Variants in ANKS1B observed in about 807,000 individuals in gnomAD.
ANKS1B encodes ankyrin repeat and sterile alpha motif domain-containing protein 1B.
A neutral mutation model predicts 148.3 loss-of-function variants in ANKS1B; 36 were observed. That is an observed-to-expected ratio of 0.24 (90% CI 0.19 to 0.32). The LOEUF (loss-of-function observed/expected upper bound fraction) is 0.32, where lower values mean the gene tolerates loss of function less well. Ranked by LOEUF, ANKS1B falls within the 10% of genes least tolerant of loss-of-function variation. The pLI, the probability that ANKS1B is intolerant of heterozygous loss-of-function variation, is 1.00. For missense variants in ANKS1B, 1,157 were observed against 1,542.6 expected (o/e 0.75, Z 4.19); for synonymous variants, 542 against 560.8 (o/e 0.97, Z 0.47).
chr12:98,836,260 G>A (rs1208925579), intron 17 of ANKS1B, among the ~76,000 whole-genome samples: 1 of 152,162 alleles, frequency 6.6e-6, no homozygotes, highest in East Asian at 1.9e-4. Context: ...TTGAGCATCT[G>A]AAAACATTAA....
intron 17 of ANKS1B, among the ~76,000 whole-genome samples, chr12:98,937,319 A>G (rs2099819707): frequency 6.6e-6 from 1 of 152,090 alleles, no homozygotes. Flanking sequence ...TTTAATTAAT[A>G]GGGGTAGGTG....
intron 8 of ANKS1B, among the ~76,000 whole-genome samples, chr12:99,737,067 T>G (rs370583731): frequency 2.0e-5 from 3 of 152,074 alleles, no homozygotes; most frequent in Admixed American, 1.3e-4. Flanking sequence ...GAAAGGGAAC[T>G]TTTATATGCT....
chr12:99,316,045 C>T (rs1248298486), intron 12 of ANKS1B, among the ~76,000 whole-genome samples: 5 of 152,100 alleles, frequency 3.3e-5, no homozygotes, highest in African/African-American at 1.2e-4. Flanking sequence ...GTATATGTGC[C>T]ACATTTTCTT....
intron 1 of ANKS1B, among the ~76,000 whole-genome samples, chr12:99,897,869 A>C (rs79587671): frequency 6.8e-6 from 1 of 146,312 alleles, no homozygotes; most frequent in Non-Finnish European, 1.5e-5. Context: ...AAAAAAAAAA[A>C]CCCTGAAAAC....
intron 16 of ANKS1B, among the ~76,000 whole-genome samples, chr12:99,083,374 T>C (rs566642745): frequency 6.6e-6 from 1 of 152,226 alleles, no homozygotes; most frequent in African/African-American, 2.4e-5. Flanking sequence ...TGCAAACAGA[T>C]GACCCAACTT....
chr12:99,923,278 T>C (rs1028378950), intron 1 of ANKS1B, among the ~76,000 whole-genome samples: 3 of 152,148 alleles, frequency 2.0e-5, no homozygotes, highest in Non-Finnish European at 4.4e-5. Flanking sequence ...AATGTATAAA[T>C]AGAAGTTAGC....
intron 14 of ANKS1B, among the ~76,000 whole-genome samples, chr12:99,175,487 A>G (rs1302790334): frequency 1.3e-5 from 2 of 152,242 alleles, no homozygotes; most frequent in African/African-American, 4.8e-5. Context: ...ATAAGTTTGT[A>G]TATCTTGAGC....
At chr12:99,898,113 G>GTTA (rs2093451912) in intron 1 of ANKS1B, among the ~76,000 whole-genome samples, 1 of 152,084 alleles carries the variant, frequency 6.6e-6, no homozygotes, top group Admixed American at 6.6e-5. Context: ...TATTATTGTT[G>GTTA]TTATTATTAT....
chr12:99,492,955 A>G (rs1247779042), intron 10 of ANKS1B, among the ~76,000 whole-genome samples: 1 of 152,240 alleles, frequency 6.6e-6, no homozygotes. Flanking sequence ...AAAAGCTGGA[A>G]GCATTCCCCT....
intron 10 of ANKS1B, among the ~76,000 whole-genome samples, chr12:99,488,276 T>A (rs957317215): frequency 2.0e-5 from 3 of 152,176 alleles, no homozygotes; most frequent in African/African-American, 7.2e-5. Context: ...TTTTAAAAAT[T>A]GCATGCAATA....
intron 9 of ANKS1B, among the ~76,000 whole-genome samples, chr12:99,518,986 G>A (rs1220913187): frequency 6.6e-6 from 1 of 151,890 alleles, no homozygotes; most frequent in African/African-American, 2.4e-5. Flanking sequence ...TTGACCCCTG[G>A]TCATTTCAGG....
chr12:98,811,764 G>A (rs965570997), intron 19 of ANKS1B, among the ~76,000 whole-genome samples: 4 of 152,080 alleles, frequency 2.6e-5, no homozygotes, highest in Non-Finnish European at 4.4e-5. Flanking sequence ...TGTAAACCCC[G>A]AACTAGGTGT....
At chr12:99,797,920 G>A (rs531936506) in intron 4 of ANKS1B, among the ~76,000 whole-genome samples, 67 of 151,984 alleles carry the variant, frequency 4.4e-4, no homozygotes, top group Non-Finnish European at 7.1e-4. Context: ...TCTTTTTGGC[G>A]TTATATATTT....
chr12:99,424,695 T>C (rs1017039808), intron 11 of ANKS1B, among the ~76,000 whole-genome samples: 5 of 151,606 alleles, frequency 3.3e-5, no homozygotes, highest in African/African-American at 1.2e-4. Flanking sequence ...TATCTATCTA[T>C]CTGTCATCTA....
At chr12:99,020,605 G>A (rs1160852809) in intron 17 of ANKS1B, among the ~76,000 whole-genome samples, 1 of 152,080 alleles carries the variant, frequency 6.6e-6, no homozygotes, top group African/African-American at 2.4e-5. Context: ...TGATTAAAAT[G>A]TGCATTTGTT....
intron 12 of ANKS1B, among the ~76,000 whole-genome samples, chr12:99,354,353 T>G (rs1261565162): frequency 6.6e-6 from 1 of 152,042 alleles, no homozygotes; most frequent in Non-Finnish European, 1.5e-5. Flanking sequence ...TGGTTTTGGA[T>G]GCACCAGAAA....
At chr12:99,539,742 T>C (rs182790717) in intron 9 of ANKS1B, among the ~76,000 whole-genome samples, 18 of 152,314 alleles carry the variant, frequency 1.2e-4, no homozygotes, top group Middle Eastern at 3.4e-3. Context: ...TTTTGCTTTT[T>C]TGTTTTCTTA....
chr12:99,483,155 T>C (rs139191788), intron 10 of ANKS1B, among the ~76,000 whole-genome samples: 53 of 152,114 alleles, frequency 3.5e-4, no homozygotes, highest in Middle Eastern at 3.4e-3. Context: ...ATAGCTTTTA[T>C]TATTTTGAGA....
chr12:99,192,184 A>G (rs2153884236), intron 14 of ANKS1B, among the ~76,000 whole-genome samples: 1 of 148,806 alleles, frequency 6.7e-6, no homozygotes, highest in African/African-American at 2.5e-5. Flanking sequence ...TAACAGAGGT[A>G]GGTGTTTGAG....
Sources: allele counts gnomAD v4.1 joint callset (sites outside exome capture counted in the v4.1 genomes callset), GRCh38; gene constraint gnomAD v4.1.1; transcripts MANE v1.5; gene names NCBI Gene and HGNC (gene_info 2026-07-23, HGNC 2026-07-21).